Variants in RRP36 observed in about 807,000 individuals in gnomAD.
RRP36 encodes the protein ribosomal RNA processing protein 36 homolog.
A neutral mutation model predicts 39.8 loss-of-function variants in RRP36; 44 were observed. The observed-to-expected ratio is 1.10, with a 90% CI of 0.87 to 1.42. The LOEUF (loss-of-function observed/expected upper bound fraction) is 1.42, where lower values mean the gene tolerates loss of function less well. Among genes scored for constraint, RRP36 ranks in the 40% most tolerant of loss-of-function variants. RRP36 has a pLI of 0.00. For synonymous variants in RRP36, 124 were observed against 123.1 expected (o/e 1.01, Z -0.05); for missense variants, 316 against 322.4 (o/e 0.98, Z 0.15).
rs1485099319 is a variant in RRP36, at chr6:43,021,701, CCCGACGTCCCCG to C, written c.49_60del (p.Arg17_Arg20del). 1.7e-6 allele frequency: 2 copies of C among 1,180,456 alleles called. No homozygotes were observed. The highest frequency in any genetic ancestry group is 2.1e-6 in the Non-Finnish European group (2 of 952,584). 73.1% of individuals were successfully genotyped at this position (1,180,456 alleles called of 1,614,324 possible). ...GCCGGGGCCGGGGCCGGGGCCGGGGCCCGACGTCCCCGCGGGGCCCGGGACCGCGAGGAGGAC... is the reference window on the plus strand; with the variant it reads ...GCCGGGGCCGGGGCCGGGGCCGGGGCCGGGGCCCGGGACCGCGAGGAGGAC... On this transcript the variant is annotated inframe_deletion, in exon 1 of 7. Transcript: ENST00000244496.
chr6:43,024,959 T>G (rs751738845), intron 1 of RRP36, 26 bp from the exon 2 acceptor site: 56 of 1,611,548 alleles, frequency 3.5e-5, no homozygotes, highest in Non-Finnish European at 4.7e-5. Flanking sequence ...CTGAGCTGAG[T>G]TGTATGTCCC....
intron 5 of RRP36, 41 bp from the exon 6 acceptor site, chr6:43,027,319 A>G: frequency 6.2e-7 from 1 of 1,612,244 alleles, no homozygotes; most frequent in Non-Finnish European, 8.5e-7. Flanking sequence ...ACAGATCTGA[A>G]CAGATCCCTC....
chr6:43,022,970 G>A (rs1022274000), intron 1 of RRP36, among the ~76,000 whole-genome samples: 7 of 151,844 alleles, frequency 4.6e-5, no homozygotes, highest in Non-Finnish European at 7.4e-5. Flanking sequence ...CTGGTCTCCA[G>A]TTCCTGGGCT....
chr6:43,029,251 C>T lies in RRP36; in HGVS notation c.*23C>T, dbSNP rs763364038. 1.1e-5 allele frequency: 18 copies of T among 1,612,034 alleles called. No homozygotes were observed. Among genetic ancestry groups the T allele is most frequent in the Non-Finnish European group, 1.4e-5 (16 of 1,178,364 alleles). On this transcript the variant is annotated 3_prime_UTR_variant, in exon 7 of 7. Transcript: ENST00000244496. ...TAATAAGGAACTATCCTCTGCTCTG[C>T]CACTGCCCCAGGGAGACATGGATCT...
intron 4 of RRP36, 43 bp downstream of exon 4, chr6:43,026,184 GAA>G: frequency 7.1e-7 from 1 of 1,402,052 alleles, no homozygotes; most frequent in Non-Finnish European, 1.0e-6. Flanking sequence ...TTGTGGGGTG[GAA>G]AATGAGGGCA....
chr6:43,023,857 C>A, intron 1 of RRP36, among the ~76,000 whole-genome samples: 1 of 143,752 alleles, frequency 7.0e-6, no homozygotes, highest in African/African-American at 2.7e-5. Context: ...GGAGAGGTTG[C>A]ATTTTTTTTT....
At chr6:43,023,607 G>A (rs536272203) in intron 1 of RRP36, among the ~76,000 whole-genome samples, 1 of 151,932 alleles carries the variant, frequency 6.6e-6, no homozygotes, top group Non-Finnish European at 1.5e-5. Flanking sequence ...CAGGAGAATC[G>A]CTTGAACCTG....
Position 43,027,161 on chromosome 6 carries a change from C to A in RRP36, c.451-17C>A. ...TTTGCAGAATGCTAACCATGATACT[C>A]ATTTTCCAATGTGGAGCTTGTGAAA... On this transcript the variant is annotated splice_polypyrimidine_tract_variant and intron_variant, in intron 4 of 6. Coordinates refer to ENST00000244496, the MANE Select transcript of RRP36 (RefSeq NM_033112.4). 1.2e-6 allele frequency: 2 copies of A among 1,611,962 alleles called. No individual in the cohort carries two copies. The highest frequency in any genetic ancestry group is 2.2e-5 in the South Asian group (2 of 90,940).
chr6:43,024,259 TG>T (rs1762773012), intron 1 of RRP36, among the ~76,000 whole-genome samples: 1 of 152,032 alleles, frequency 6.6e-6, no homozygotes, highest in African/African-American at 2.4e-5. Flanking sequence ...GTACAGTTTC[TG>T]GGGGAAGTGT....
chr6:43,029,286 G>C lies in RRP36; in HGVS notation c.*58G>C. 6.3e-7 allele frequency: 1 copy of C among 1,594,876 alleles called. No homozygotes were observed. Among genetic ancestry groups the C allele is most frequent in the Non-Finnish European group, 8.6e-7 (1 of 1,166,576 alleles). The stretch of plus-strand genomic sequence containing the variant: ...AGGGAGACATGGATCTGTGAGGACA[G>C]ATTTGGCCACGGCTGGTTTCCGTTC... On this transcript the variant is annotated 3_prime_UTR_variant, in exon 7 of 7. Transcript: ENST00000244496.
chr6:43,026,075 A>G lies in RRP36; in HGVS notation c.384A>G (p.Glu128=). The stretch of plus-strand genomic sequence containing the variant: ...CTCGCTTTGATGATCTGTCAGGGGA[A>G]TATAATCCTGAGGTGTTTGACAAAA... ...RDPRFDDLSG[E]YNPEVFDKTY... The change falls in exon 4 of 7, where the codon GAA becomes GAG. Residue 128 remains glutamate (E), a synonymous_variant. Transcript: ENST00000244496. The G allele has an allele frequency of 6.2e-7, 1 of 1,613,922 alleles. No homozygotes were observed. Among genetic ancestry groups the G allele is most frequent in the African/African-American group, 1.3e-5 (1 of 75,054 alleles).
At chr6:43,026,845 A>G (rs1762819885) in intron 4 of RRP36, among the ~76,000 whole-genome samples, 1 of 151,988 alleles carries the variant, frequency 6.6e-6, no homozygotes, top group African/African-American at 2.4e-5. Context: ...CTACTAAAAT[A>G]CAAAAGGAGG....
chr6:43,025,867 A>G (rs1466199409), intron 3 of RRP36, among the ~76,000 whole-genome samples, 170 bp from the exon 4 acceptor site: 3 of 152,136 alleles, frequency 2.0e-5, no homozygotes, highest in Admixed American at 2.0e-4. Context: ...TGGGAGGCAC[A>G]GCTTGCAGTG....
intron 1 of RRP36, among the ~76,000 whole-genome samples, chr6:43,022,339 C>A (rs956965655): frequency 1.3e-5 from 2 of 152,004 alleles, no homozygotes; most frequent in Non-Finnish European, 2.9e-5. Context: ...ACCTCGTGAT[C>A]CGCCCGCCTC....
intron 1 of RRP36, among the ~76,000 whole-genome samples, chr6:43,024,024 T>G (rs1160370391): frequency 6.6e-6 from 1 of 151,828 alleles, no homozygotes. Flanking sequence ...GCCCAGCTAA[T>G]TTTTGTATTT....
In RRP36 at chr6:43,027,461, A is replaced by G. The variant is rs766826310; in HGVS notation, c.627A>G (p.Pro209=). 1.9e-6 allele frequency: 3 copies of G among 1,613,806 alleles called. No homozygotes were observed. Among genetic ancestry groups the G allele is most frequent in the Non-Finnish European group, 2.5e-6 (3 of 1,179,848 alleles). ...RRAQAQQGHR[P]YFLKKSEQRQ... ...CTCAGGCCCAGCAGGGCCATCGGCC[A>G]TACTTCCTGAAAAAATGTGAGTTGG... The change falls in exon 6 of 7, where the codon CCA becomes CCG. Residue 209 remains proline (P), a synonymous_variant. Coordinates refer to ENST00000244496, the MANE Select transcript of RRP36 (RefSeq NM_033112.4).
chr6:43,025,203 G>C, intron 2 of RRP36, 60 bp from the exon 3 acceptor site: 2 of 1,612,258 alleles, frequency 1.2e-6, no homozygotes, highest in South Asian at 2.2e-5. Context: ...TTGGGTGACA[G>C]GTGGGAAGCC....
At position 43,029,201 on chromosome 6, in the gene RRP36, G is replaced by T; in HGVS notation, c.753G>T (p.Arg251Ser). The change falls in exon 7 of 7, where the codon AGG becomes AGT. Residue 251 changes from arginine (R) to serine (S), a missense_variant. Physicochemically the swap from Arg to Ser is moderately radical, Grantham distance 110 (BLOSUM62 -1). Transcript: ENST00000244496. ...RKRRRNAGKD[R>S]RHLPLSKE ...GGCGACGAAATGCAGGCAAGGACAG[G>T]AGACATCTCCCTTTGAGCAAAGAGT... The T allele has an allele frequency of 6.2e-7, 1 of 1,614,224 alleles. No homozygotes were observed. Among genetic ancestry groups the T allele is most frequent in the Non-Finnish European group, 8.5e-7 (1 of 1,180,042 alleles).
At chr6:43,026,905 TAAA>T (rs11415536) in intron 4 of RRP36, among the ~76,000 whole-genome samples, 3 of 145,322 alleles carry the variant, frequency 2.1e-5, no homozygotes, top group Middle Eastern at 3.6e-3. Context: ...TCTACTAAAA[TAAA>T]AAAAAAAATT....
Sources: gnomAD v4.1 joint callset for allele counts (sites outside exome capture counted in the v4.1 genomes callset) on GRCh38, gnomAD v4.1.1 for gene constraint, MANE v1.5 for transcripts, NCBI Gene and HGNC (gene_info 2026-07-23, HGNC 2026-07-21) for gene names.